PPP2R2D: variants seen among roughly 807,000 people sequenced by gnomAD.
PPP2R2D encodes the protein serine/threonine-protein phosphatase 2A 55 kDa regulatory subunit B delta isoform.
A neutral mutation model predicts 31.1 loss-of-function variants in PPP2R2D; 9 were observed. That is an observed-to-expected ratio of 0.29 (90% CI 0.17 to 0.51). PPP2R2D has a LOEUF of 0.51. PPP2R2D is among the 20% of genes least tolerant of loss of function. PPP2R2D has a pLI of 0.98. For missense variants in PPP2R2D, 391 were observed against 465.6 expected (o/e 0.84, Z 1.48); for synonymous variants, 179 against 172.6 (o/e 1.04, Z -0.29).
At chr10:131,937,641 T>C (rs900743345) in intron 3 of PPP2R2D, among the ~76,000 whole-genome samples, 2 of 152,224 alleles carry the variant, frequency 1.3e-5, no homozygotes, top group African/African-American at 4.8e-5. Context: ...ATTCTTGTTC[T>C]GGCTCTTAGG....
chr10:131,934,523 G>A lies in PPP2R2D; in HGVS notation c.166G>A (p.Gly56Ser), dbSNP rs782065411. ...GDLLATGDKG[G>S]RVVIFQREQE... ...TCTTCTTGCAACAGGAGACAAGGGCGGCAGAGTTGTTATTTTTCAGCGTGA... is the reference window on the plus strand; with the variant it reads ...TCTTCTTGCAACAGGAGACAAGGGCAGCAGAGTTGTTATTTTTCAGCGTGA... Residue 56 changes from glycine to serine, a missense_variant, in exon 3 of 9, where the codon GGC (glycine) becomes AGC (serine). Physicochemically the swap from Gly to Ser is moderately conservative, Grantham distance 56. This residue lies in a region of PPP2R2D where 105 missense variants were observed against 98.5 expected (regional missense o/e 1.07). Transcript: ENST00000455566. The A allele has an allele frequency of 5.1e-6, 4 of 779,994 alleles. No homozygotes were observed. Among genetic ancestry groups the A allele is most frequent in the Non-Finnish European group, 7.2e-6 (3 of 417,838 alleles). The allele number at this position is 779,994 out of a possible 1,614,324, so 48.3% of individuals were successfully genotyped here. A position where few individuals can be genotyped will look rare whatever the true frequency, so the allele number is the denominator to read the frequency against.
chr10:131,911,498 C>T (rs2035682078), intron 2 of PPP2R2D: 1 of 152,266 alleles, frequency 6.6e-6, no homozygotes, highest in Non-Finnish European at 1.5e-5. Flanking sequence ...AACTGTTCAT[C>T]AGGGAATAAG....
intron 3 of PPP2R2D, chr10:131,935,035 C>G (rs897396407): frequency 4.9e-5 from 22 of 450,066 alleles, no homozygotes; most frequent in South Asian, 3.0e-4. Flanking sequence ...TCCATGCCCC[C>G]TTGAAGGCTT....
chr10:131,917,750 A>G (rs367614055), intron 2 of PPP2R2D, among the ~76,000 whole-genome samples: 23 of 63,756 alleles, frequency 3.6e-4, no homozygotes, highest in South Asian at 6.7e-4. Flanking sequence ...ATGACACAGT[A>G]TAGGGACCTC....
intron 3 of PPP2R2D, among the ~76,000 whole-genome samples, chr10:131,938,858 C>A (rs943696899): frequency 6.6e-6 from 1 of 152,228 alleles, no homozygotes; most frequent in African/African-American, 2.4e-5. Context: ...GCTGCCACAT[C>A]GCTGTGTCAC....
At chr10:131,932,658 AAAAAAAAAAAC>A (rs1395647910) in intron 2 of PPP2R2D, among the ~76,000 whole-genome samples, 1 of 149,486 alleles carries the variant, frequency 6.7e-6, no homozygotes, top group Non-Finnish European at 1.5e-5. Context: ...AAAAAAAAAA[AAAAAAAAAAAC>A]ACACAAAAAA....
rs1414692947 is a variant in PPP2R2D at position 131,945,549 on chromosome 10, T to TCG, written c.820+91_820+92insGC. On this transcript the variant is annotated intron_variant, in intron 7 of 8. Coordinates refer to ENST00000455566, the MANE Select transcript of PPP2R2D (RefSeq NM_018461.5). This position sits in a 1 kb window ranked among gnomAD's most constrained non-coding sequence, Gnocchi z 4.8. Reference sequence around the variant, plus strand: ...GTCTCGGCTCACGGCAAGCTCCGCCTCCCGGGTTCCAGCAAGTCTTCTGCC... The same window carrying TCG: ...GTCTCGGCTCACGGCAAGCTCCGCCTCGCCCGGGTTCCAGCAAGTCTTCTGCC... 1.4e-6 allele frequency: 2 copies of TCG among 1,446,714 alleles called. No homozygotes were observed. Among genetic ancestry groups the TCG allele is most frequent in the African/African-American group, 2.8e-5 (2 of 70,802 alleles). The allele number at this position is 1,446,714 out of a possible 1,614,324, so 89.6% of individuals were successfully genotyped here. A position where few individuals can be genotyped will look rare whatever the true frequency, so the allele number is the denominator to read the frequency against.
intron 8 of PPP2R2D, among the ~76,000 whole-genome samples, chr10:131,953,189 A>C (rs868934733): frequency 7.8e-4 from 42 of 53,768 alleles, no homozygotes; most frequent in Non-Finnish European, 1.2e-3. Context: ...GGGGGGTTTC[A>C]CTGTCTTAGC....
intron 2 of PPP2R2D, among the ~76,000 whole-genome samples, chr10:131,905,047 A>T (rs912114841): frequency 0.095 from 14,223 of 149,290 alleles, 812 homozygotes; most frequent in Non-Finnish European, 0.13. Flanking sequence ...AAGAGTTGTG[A>T]TTCCACTGGG....
chr10:131,962,494 C>T (rs2036938610), downstream of PPP2R2D, among the ~76,000 whole-genome samples: 1 of 152,172 alleles, frequency 6.6e-6, no homozygotes, highest in Non-Finnish European at 1.5e-5. Flanking sequence ...TAATAGTTTT[C>T]GATTCTGCAA....
chr10:131,930,261 A>C (rs2036196184), intron 2 of PPP2R2D, among the ~76,000 whole-genome samples: 1 of 152,150 alleles, frequency 6.6e-6, no homozygotes, highest in Non-Finnish European at 1.5e-5. Flanking sequence ...GGTCTATCAA[A>C]TACCAACACA....
At chr10:131,953,383 A>G (rs66568880) in intron 8 of PPP2R2D, among the ~76,000 whole-genome samples, 45,130 of 64,896 alleles carry the variant, frequency 0.7, 14,879 homozygotes, top group African/African-American at 0.82. Flanking sequence ...AGTGACTTGC[A>G]GGTGTGTGGG....
intron 7 of PPP2R2D, among the ~76,000 whole-genome samples, chr10:131,946,225 C>G (rs560665445): frequency 6.6e-6 from 1 of 152,330 alleles, no homozygotes; most frequent in East Asian, 1.9e-4. Context: ...TTTCAAGCTC[C>G]TTTTAGGTGA....
the PPP2R2D span, chr10:131,970,460 T>C: frequency 2.2e-6 from 2 of 912,174 alleles, no homozygotes; most frequent in Non-Finnish European, 3.2e-6. This position sits in a 1 kb window ranked among gnomAD's most constrained non-coding sequence, Gnocchi z 4.1. Flanking sequence ...CTGGGGCCTT[T>C]GGGGGCTGCA....
At position 131,947,606 on chromosome 10, in the gene PPP2R2D, C is replaced by T. The variant is rs782205329; in HGVS notation, c.897C>T (p.Phe299=). 1 of 1,614,240 alleles carries T rather than the reference C, an allele frequency of 6.2e-7. No individual in the cohort carries two copies. ...TTTCATCCATATCCGATGTAAAATT[C>T]AGTCATAGTGGGCGGTACATGATGA... ...EIISSISDVK[F]SHSGRYMMTR... The change falls in exon 8 of 9, where the codon TTC becomes TTT. Residue 299 remains phenylalanine (F), a synonymous_variant. Coordinates refer to ENST00000455566, the MANE Select transcript of PPP2R2D (RefSeq NM_018461.5). This position sits in a 1 kb window ranked among gnomAD's most constrained non-coding sequence, Gnocchi z 4.3.
intron 2 of PPP2R2D, among the ~76,000 whole-genome samples, chr10:131,909,413 T>TA (rs36133579): frequency 0.18 from 26,635 of 152,190 alleles, 2,901 homozygotes; most frequent in South Asian, 0.25. Context: ...GATAGGAAGT[T>TA]ACTGCAATAA....
intron 2 of PPP2R2D, among the ~76,000 whole-genome samples, chr10:131,902,121 A>G (rs2035510272): frequency 6.6e-6 from 1 of 152,152 alleles, no homozygotes; most frequent in Non-Finnish European, 1.5e-5. Context: ...TTAAAAAGCT[A>G]TGTAGCTTTC....
the PPP2R2D span, chr10:131,970,166 G>A: frequency 6.2e-6 from 1 of 161,544 alleles, no homozygotes; most frequent in Non-Finnish European, 1.3e-5. The surrounding 1 kb of genome is among the most constrained non-coding windows in gnomAD (Gnocchi z 4.1). Flanking sequence ...CAACAAGAGC[G>A]AAACTCAAGC....
At chr10:131,914,975 C>T (rs1482798720) in intron 2 of PPP2R2D, among the ~76,000 whole-genome samples, 2 of 152,096 alleles carry the variant, frequency 1.3e-5, no homozygotes, top group Admixed American at 6.6e-5. Context: ...TCTCTCCGTG[C>T]ACCCCTAATA....
Sources: gnomAD v4.1 joint callset for allele counts (sites outside exome capture counted in the v4.1 genomes callset) on GRCh38, gnomAD v4.1.1 for gene constraint, gnomAD v4.1.1 regional missense constraint, Gnocchi (gnomAD v3.1) non-coding constraint, MANE v1.5 for transcripts, NCBI Gene and HGNC (gene_info 2026-07-23, HGNC 2026-07-21) for gene names.